The following PLEKHA5 variants were observed in gnomAD, a reference collection of about 807,000 sequenced individuals.
PLEKHA5 encodes pleckstrin homology domain containing A5.
PLEKHA5 carries 55 observed loss-of-function variants against 181.9 expected under a neutral mutation model. That is an observed-to-expected ratio of 0.30 (90% CI 0.24 to 0.38). The LOEUF is 0.38. Among genes scored for constraint, PLEKHA5 ranks in the 10% least tolerant of loss-of-function variants. The pLI is 1.00. For missense variants in PLEKHA5, 1,432 were observed against 1,549.5 expected, an observed-to-expected ratio of 0.92 and a Z score of 1.27; for synonymous variants, 535 against 529.4, an observed-to-expected ratio of 1.01 and a Z score of -0.15.
intron 3 of PLEKHA5, among the ~76,000 whole-genome samples, chr12:19,191,313 G>A (rs1210130714): frequency 6.6e-6 from 1 of 152,208 alleles, no homozygotes; most frequent in African/African-American, 2.4e-5. Flanking sequence ...GCATGTAACT[G>A]TGGGTCATAG....
At chr12:19,151,586 A>G (rs1372106545) in intron 3 of PLEKHA5, 1 of 152,194 alleles carries the variant, frequency 6.6e-6, no homozygotes, top group Non-Finnish European at 1.5e-5. Flanking sequence ...TAGCTTACAT[A>G]CTAAGCAGAT....
chr12:19,293,619 A>T (rs2079031809), intron 15 of PLEKHA5, among the ~76,000 whole-genome samples: 1 of 152,194 alleles, frequency 6.6e-6, no homozygotes, highest in Non-Finnish European at 1.5e-5. Flanking sequence ...AATGATATAA[A>T]CATGAATCTG....
intron 7 of PLEKHA5, 76 bp from the exon 8 acceptor site, chr12:19,265,674 G>T: frequency 2.5e-6 from 2 of 805,032 alleles, no homozygotes; most frequent in East Asian, 2.5e-5. Flanking sequence ...CTTTTGATTT[G>T]GCAAAAATAG....
At chr12:19,290,182 C>CA (rs1282757339) in intron 13 of PLEKHA5, among the ~76,000 whole-genome samples, 1 of 152,104 alleles carries the variant, frequency 6.6e-6, no homozygotes, top group East Asian at 1.9e-4. Context: ...CCGCCTCCCT[C>CA]AGCCTCCCAA....
At chr12:19,173,302 C>T (rs914144699) in intron 3 of PLEKHA5, among the ~76,000 whole-genome samples, 4 of 151,982 alleles carry the variant, frequency 2.6e-5, no homozygotes, top group Non-Finnish European at 4.4e-5. Flanking sequence ...GGATTACAGG[C>T]GTGAGCCACC....
chr12:19,139,616 T>TG (rs2036710937), intron 3 of PLEKHA5, among the ~76,000 whole-genome samples: 3 of 152,192 alleles, frequency 2.0e-5, no homozygotes, highest in Admixed American at 6.5e-5. Flanking sequence ...GTTGAATTAG[T>TG]GGGGGAGCCA....
chr12:19,192,103 A>G (rs540305718), intron 3 of PLEKHA5, among the ~76,000 whole-genome samples: 1 of 152,256 alleles, frequency 6.6e-6, no homozygotes, highest in African/African-American at 2.4e-5. Context: ...TTTATTAACA[A>G]TTGACTTGAA....
chr12:19,237,975 CA>C (rs1287159703), intron 3 of PLEKHA5, among the ~76,000 whole-genome samples: 2 of 151,840 alleles, frequency 1.3e-5, no homozygotes, highest in African/African-American at 4.8e-5. Flanking sequence ...ATTGTACAAA[CA>C]AAAGCCTACA....
chr12:19,344,929 C>A (rs1179332803), intron 22 of PLEKHA5, among the ~76,000 whole-genome samples: 1 of 136,954 alleles, frequency 7.3e-6, no homozygotes, highest in African/African-American at 2.8e-5. Context: ...GCCAACATGA[C>A]AAAACCCCGG....
At chr12:19,348,668 TAAGA>T (rs2094448151) in intron 25 of PLEKHA5, 149 bp downstream of exon 25, 1 of 484,950 alleles carries the variant, frequency 2.1e-6, no homozygotes, top group Non-Finnish European at 3.4e-6. Context: ...GTTTCTAAAT[TAAGA>T]AATTTTCAGA....
chr12:19,335,298 G>T (rs2153116635), intron 20 of PLEKHA5, among the ~76,000 whole-genome samples: 1 of 151,876 alleles, frequency 6.6e-6, no homozygotes, highest in East Asian at 1.9e-4. Context: ...CTCCTAAAGT[G>T]CTGGGATTAT....
At chr12:19,334,991 A>G (rs1244200197) in intron 20 of PLEKHA5, among the ~76,000 whole-genome samples, 4 of 139,068 alleles carry the variant, frequency 2.9e-5, no homozygotes, top group African/African-American at 1.0e-4. Context: ...ATGAAAAAAA[A>G]AAAAAAAAAA....
At chr12:19,259,650 C>T (rs1437735629) in intron 6 of PLEKHA5, among the ~76,000 whole-genome samples, 2 of 151,686 alleles carry the variant, frequency 1.3e-5, no homozygotes, top group Non-Finnish European at 2.9e-5. Flanking sequence ...ACTCGGGAGG[C>T]TGAGACACGA....
intron 12 of PLEKHA5, among the ~76,000 whole-genome samples, chr12:19,286,269 T>G (rs1013445316): frequency 2.0e-5 from 3 of 152,188 alleles, no homozygotes; most frequent in Admixed American, 2.0e-4. Context: ...ACAAGATTCA[T>G]TTAAAGTACA....
chr12:19,271,853 C>T (rs1565546957), intron 10 of PLEKHA5, among the ~76,000 whole-genome samples: 1 of 152,170 alleles, frequency 6.6e-6, no homozygotes, highest in Admixed American at 6.5e-5. Flanking sequence ...GCGTGCCCAG[C>T]TTAGAGTCCG....
At chr12:19,161,201 A>AT (rs201497287) in intron 3 of PLEKHA5, among the ~76,000 whole-genome samples, 2 of 151,748 alleles carry the variant, frequency 1.3e-5, no homozygotes, top group African/African-American at 2.4e-5. Flanking sequence ...AACTTCATGT[A>AT]TTTTTTTTCC....
At chr12:19,334,483 C>T (rs1448294334) in intron 20 of PLEKHA5, among the ~76,000 whole-genome samples, 3 of 152,230 alleles carry the variant, frequency 2.0e-5, no homozygotes, top group East Asian at 3.9e-4. Context: ...CTACCCTGAA[C>T]TCTGCATTTC....
At chr12:19,364,106 G>T (rs1265772808) in intron 29 of PLEKHA5, among the ~76,000 whole-genome samples, 1 of 152,056 alleles carries the variant, frequency 6.6e-6, no homozygotes, top group Non-Finnish European at 1.5e-5. Flanking sequence ...CCAAAACTTG[G>T]TACATTAAGG....
rs59712166 is a variant in PLEKHA5 at position 19,164,197 on chromosome 12, G to GTT, written c.227+31765_227+31766dup. ...CACTTCTTGCTCTCCAGATGTTTTT[G>GTT]TTTTTTTTTTTTTTTTTTTGAGATG... On this transcript the variant is annotated intron_variant, in intron 3 of 31. Transcript: ENST00000429027. 4.5e-4 allele frequency among the ~76,000 whole-genome samples: 42 copies of GTT among 92,800 alleles called. No homozygotes were observed. In the East Asian group the frequency reaches 6.2e-3, roughly 14 times the overall value. 60.9% of individuals were successfully genotyped at this position (92,800 alleles called of 152,430 possible). A position where few individuals can be genotyped will look rare whatever the true frequency, so the allele number is the denominator to read the frequency against.
Sources: gnomAD v4.1 joint callset for allele counts (sites outside exome capture counted in the v4.1 genomes callset) on GRCh38, gnomAD v4.1.1 for gene constraint, MANE v1.5 for transcripts, NCBI Gene and HGNC (gene_info 2026-07-23, HGNC 2026-07-21) for gene names.